CTNNA3: variants seen among roughly 807,000 people sequenced by gnomAD.
CTNNA3 encodes catenin alpha-3.
A neutral mutation model predicts 95.7 loss-of-function variants in CTNNA3; 76 were observed. The ratio of observed to expected loss-of-function variants is 0.79; its 90% confidence interval spans 0.66 to 0.96. The LOEUF (loss-of-function observed/expected upper bound fraction) is 0.96, where lower values mean the gene tolerates loss of function less well. CTNNA3 is among the 40% of genes least tolerant of loss of function. CTNNA3 has a pLI of 0.00. For missense variants in CTNNA3, 1,191 were observed against 1,089.8 expected, an observed-to-expected ratio of 1.09 and a Z score of -1.31; for synonymous variants, 431 against 374.4, an observed-to-expected ratio of 1.15 and a Z score of -1.74.
At chr10:67,726,664 T>TGATATACGA (rs1564841404) in intron 1 of CTNNA3, among the ~76,000 whole-genome samples, 1 of 1,100 alleles carries the variant, frequency 9.1e-4, no homozygotes, top group Non-Finnish European at 2.0e-3. Flanking sequence ...ATATTATATA[T>TGATATACGA]TATATTAATT....
At chr10:66,067,658 C>T (rs991545303) in intron 15 of CTNNA3, among the ~76,000 whole-genome samples, 1 of 152,142 alleles carries the variant, frequency 6.6e-6, no homozygotes, top group Non-Finnish European at 1.5e-5. Context: ...TGACTCATGC[C>T]TGTAATCCCA....
At chr10:67,384,180 TA>T (rs944755651) in intron 5 of CTNNA3, among the ~76,000 whole-genome samples, 22 of 151,302 alleles carry the variant, frequency 1.5e-4, no homozygotes, top group Middle Eastern at 3.4e-3. Flanking sequence ...TAAAGTTGGT[TA>T]AAAAAAAATA....
chr10:66,259,402 G>T (rs1242110671), intron 13 of CTNNA3, among the ~76,000 whole-genome samples: 1 of 152,112 alleles, frequency 6.6e-6, no homozygotes, highest in Non-Finnish European at 1.5e-5. Flanking sequence ...CATGAGCATG[G>T]GGGAACACAA....
At chr10:67,560,721 G>T (rs1841476723) in intron 3 of CTNNA3, among the ~76,000 whole-genome samples, 1 of 152,116 alleles carries the variant, frequency 6.6e-6, no homozygotes, top group Non-Finnish European at 1.5e-5. Flanking sequence ...AGACCCATCA[G>T]TGTGCTGTAT....
At chr10:66,048,040 T>C (rs1478964400) in intron 15 of CTNNA3, among the ~76,000 whole-genome samples, 1 of 152,116 alleles carries the variant, frequency 6.6e-6, no homozygotes, top group Non-Finnish European at 1.5e-5. Flanking sequence ...ATTAAAATGG[T>C]TATACCATCC....
chr10:66,332,555 C>A (rs568949987), intron 12 of CTNNA3, among the ~76,000 whole-genome samples: 3 of 152,100 alleles, frequency 2.0e-5, no homozygotes, highest in African/African-American at 4.8e-5. Context: ...GTTGAACCAG[C>A]CTTTCATCCC....
At chr10:66,653,284 T>C (rs12360435) in intron 9 of CTNNA3, among the ~76,000 whole-genome samples, 55,531 of 151,816 alleles carry the variant, frequency 0.37, 11,976 homozygotes, top group East Asian at 0.7. Flanking sequence ...AACATCAACA[T>C]ACAAAAATCA....
intron 5 of CTNNA3, among the ~76,000 whole-genome samples, chr10:67,315,003 C>T (rs2132535765): frequency 6.6e-6 from 1 of 152,244 alleles, no homozygotes. Flanking sequence ...GTGTTCTTAC[C>T]AGCTTAATGA....
intron 11 of CTNNA3, among the ~76,000 whole-genome samples, chr10:66,426,900 T>C (rs771050415): frequency 6.6e-6 from 1 of 151,700 alleles, no homozygotes; most frequent in Non-Finnish European, 1.5e-5. Flanking sequence ...TATTTTTTCA[T>C]ATATATTTTA....
At chr10:66,149,925 C>A (rs1462820) in intron 13 of CTNNA3, among the ~76,000 whole-genome samples, 126,203 of 152,134 alleles carry the variant, frequency 0.83, 52,526 homozygotes, top group South Asian at 0.92. Flanking sequence ...TGTTTTTCCA[C>A]ACTTCAATAA....
At chr10:66,102,251 C>T (rs1416964878) in intron 14 of CTNNA3, among the ~76,000 whole-genome samples, 6 of 152,154 alleles carry the variant, frequency 3.9e-5, no homozygotes, top group African/African-American at 7.2e-5. Context: ...TCATGATAAT[C>T]CTACTATTGT....
In CTNNA3 at chr10:67,448,407, A is replaced by T. The variant is rs1846835799; in HGVS notation, c.579+73435T>A. Reference sequence around the variant, plus strand: ...AAAATTAAGCAGGTAAGATAATTCTAAAAAGAAAGAGATTAAGCATCCTAA... The same window carrying T: ...AAAATTAAGCAGGTAAGATAATTCTTAAAAGAAAGAGATTAAGCATCCTAA... On this transcript the variant is annotated intron_variant, in intron 5 of 17. Coordinates refer to ENST00000433211, the MANE Select transcript of CTNNA3 (RefSeq NM_013266.4). Among the ~76,000 whole-genome samples the T allele has an allele frequency of 2.0e-5, 3 of 152,136 alleles. No homozygotes were observed. In the South Asian group the frequency reaches 6.2e-4, roughly 31 times the overall value.
At chr10:66,142,108 T>C (rs540419283) in intron 13 of CTNNA3, among the ~76,000 whole-genome samples, 1 of 152,332 alleles carries the variant, frequency 6.6e-6, no homozygotes, top group East Asian at 1.9e-4. Flanking sequence ...ATTTTTCTCC[T>C]ACCTTTTAGA....
chr10:66,668,457 T>TGTGTGTGTGTGTGTGA lies in CTNNA3; in HGVS notation c.1282-46674_1282-46673insTCACACACACACACAC, dbSNP rs777242549. ...GTGTGTGTGTGTGTGTGTGTGTGTG[T>TGTGTGTGTGTGTGTGA]GATACACATCCACATATATACATAC... On this transcript the variant is annotated intron_variant, in intron 9 of 17. Coordinates refer to ENST00000433211, the MANE Select transcript of CTNNA3 (RefSeq NM_013266.4). Among the ~76,000 whole-genome samples, 124 of 149,818 alleles carry TGTGTGTGTGTGTGTGA rather than the reference T, an allele frequency of 8.3e-4. 1 individual carries two copies. Among genetic ancestry groups the TGTGTGTGTGTGTGTGA allele is most frequent in the African/African-American group, 2.8e-3 (113 of 40,822 alleles).
intron 7 of CTNNA3, among the ~76,000 whole-genome samples, chr10:66,777,669 A>C (rs188823319): frequency 6.4e-4 from 98 of 152,134 alleles, no homozygotes; most frequent in African/African-American, 2.3e-3. Flanking sequence ...CTCTAGCTTC[A>C]TGCAGTGTTT....
At chr10:67,702,503 A>G (rs549891381) in intron 1 of CTNNA3, among the ~76,000 whole-genome samples, 7 of 152,296 alleles carry the variant, frequency 4.6e-5, no homozygotes, top group Admixed American at 6.5e-5. Flanking sequence ...CATGGAAACT[A>G]AACAACCTGC....
At chr10:67,684,360 G>T (rs1840688494) in intron 1 of CTNNA3, among the ~76,000 whole-genome samples, 1 of 152,134 alleles carries the variant, frequency 6.6e-6, no homozygotes, top group African/African-American at 2.4e-5. Context: ...CAGACACAGA[G>T]CACTGATTTG....
chr10:67,328,715 C>T (rs1010529745), intron 5 of CTNNA3, among the ~76,000 whole-genome samples: 2 of 152,210 alleles, frequency 1.3e-5, no homozygotes, highest in Admixed American at 6.5e-5. Flanking sequence ...TGCGTCTTCC[C>T]TCTGTCCATT....
chr10:66,708,095 T>C (rs1241925418), intron 9 of CTNNA3, among the ~76,000 whole-genome samples: 4 of 152,098 alleles, frequency 2.6e-5, no homozygotes, highest in Non-Finnish European at 5.9e-5. Flanking sequence ...ATCCCAAGCA[T>C]GTATTAAAAA....
Sources: gnomAD v4.1 joint callset for allele counts (sites outside exome capture counted in the v4.1 genomes callset) on GRCh38, gnomAD v4.1.1 for gene constraint, MANE v1.5 for transcripts, NCBI Gene and HGNC (gene_info 2026-07-23, HGNC 2026-07-21) for gene names.